FCHO1: variants seen among roughly 807,000 people sequenced by gnomAD.
The protein encoded by FCHO1 is F-BAR domain only protein 1.
FCHO1 carries 45 observed loss-of-function variants against 114.4 expected under a neutral mutation model. The ratio of observed to expected loss-of-function variants is 0.39; its 90% CI spans 0.31 to 0.50. The LOEUF is 0.50. Among genes scored for constraint, FCHO1 ranks in the 20% least tolerant of loss-of-function variants. The pLI is 0.77. For synonymous variants in FCHO1, 480 were observed against 488.9 expected (o/e 0.98, Z 0.24); for missense variants, 1,042 against 1,209.6 (o/e 0.86, Z 2.06).
chr19:17,778,440 C>T, intron 19 of FCHO1, 169 bp from the exon 20 acceptor site: 2 of 839,984 alleles, frequency 2.4e-6, no homozygotes, highest in Non-Finnish European at 3.6e-6. Flanking sequence ...ATGGGCCGGA[C>T]ATTTGTGGAG....
At chr19:17,770,993 C>A (rs2091336392) in intron 9 of FCHO1, 97 bp downstream of exon 9, 1 of 1,050,752 alleles carries the variant, frequency 9.5e-7, no homozygotes, top group Non-Finnish European at 1.4e-6. Context: ...GTGGCTCACA[C>A]CTGTAATCCC....
chr19:17,770,416 A>G lies in FCHO1; in HGVS notation c.337-9A>G, dbSNP rs757550697. The G allele has an allele frequency of 1.2e-6, 2 of 1,601,854 alleles. No homozygotes were observed. The highest frequency in any genetic ancestry group is 2.2e-5 in the South Asian group (2 of 90,320). On this transcript the variant is annotated splice_polypyrimidine_tract_variant and intron_variant, in intron 7 of 28. Transcript: ENST00000596536. ...CAGTCTACCCATGAAATCCCCTCCT[A>G]CCCCGCAGTGCAAGGAGGAAGTGGT...
rs770292906 is a variant in FCHO1 at position 17,770,543 on chromosome 19, G to A, written c.455G>A (p.Arg152Gln). The change falls in exon 8 of 29, where the codon CGG (arginine) becomes CAG (glutamine). Residue 152 changes from arginine to glutamine, a missense_variant. Around this residue, in one of 3 missense-constraint regions of FCHO1, gnomAD observed 450 missense variants for 564.1 expected, o/e 0.80. Coordinates refer to ENST00000596536, the MANE Select transcript of FCHO1 (RefSeq NM_015122.3). ...LNRCMDQERLRRESTSQKEMD... is the reference protein window; with the variant it reads ...LNRCMDQERLQRESTSQKEMD... ...CGTTGCATGGACCAGGAGCGGCTGC[G>A]GAGGGAGAGTACCAGCCAGAAGGAG... 4.3e-6 allele frequency: 7 copies of A among 1,613,436 alleles called. No homozygotes were observed. Among genetic ancestry groups the A allele is most frequent in the African/African-American group, 1.3e-5 (1 of 74,932 alleles).
At position 17,766,673 on chromosome 19, in the gene FCHO1, T is replaced by G; in HGVS notation, c.199T>G (p.Phe67Val). Residue 67 changes from phenylalanine to valine, a missense_variant, in exon 7 of 29, where the codon TTC becomes GTC. Phe to Val is a conservative substitution (Grantham distance 50, BLOSUM62 -1). Transcript: ENST00000596536. ...LASNGTPMGT[F>V]APLWEVFRVS... is the part of the protein sequence containing the mutation. The stretch of plus-strand genomic sequence containing the variant: ...TGTGACCTTGCCCGCCCCCAGGACC[T>G]TCGCCCCGCTCTGGGAGGTCTTCCG... 2.5e-6 allele frequency: 4 copies of G among 1,614,120 alleles called. No homozygotes were observed. The highest frequency in any genetic ancestry group is 3.4e-6 in the Non-Finnish European group (4 of 1,180,030).
chr19:17,783,204 G>A (rs368798276), intron 24 of FCHO1, 32 bp downstream of exon 24: 18 of 1,602,580 alleles, frequency 1.1e-5, no homozygotes, highest in East Asian at 4.5e-5. Flanking sequence ...AGAGGGCCTC[G>A]GAGGCTGCTG....
rs200839173 is a variant in FCHO1 at position 17,762,847 on chromosome 19, G to C, written c.113G>C (p.Arg38Pro). Reference sequence around the variant, plus strand: ...ACCAAGGAGCTGGCGGACTTCATCCGGGAGAGGTGAGGTCCCCAAGCCCCA... The same window carrying C: ...ACCAAGGAGCTGGCGGACTTCATCCCGGAGAGGTGAGGTCCCCAAGCCCCA... Reference protein sequence around the residue: ...ISTKELADFIRERATIEETYS... With the variant: ...ISTKELADFIPERATIEETYS... The change falls in exon 5 of 29, where the codon CGG becomes CCG. Residue 38 changes from arginine to proline, a missense_variant. Arg to Pro is a moderately radical substitution (Grantham distance 103). Around this residue, in one of 3 missense-constraint regions of FCHO1, gnomAD observed 450 missense variants for 564.1 expected, o/e 0.80. Coordinates refer to ENST00000596536, the MANE Select transcript of FCHO1 (RefSeq NM_015122.3). 11 of 1,610,730 alleles carry C rather than the reference G, an allele frequency of 6.8e-6. No individual in the cohort carries two copies. In the Admixed American group the frequency reaches 1.7e-4, roughly 24 times the overall value.
rs766830038 is a variant in FCHO1, at chr19:17,776,270, A to G, written c.1206A>G (p.Ser402=). 6.2e-7 allele frequency: 1 copy of G among 1,614,132 alleles called. No individual in the cohort carries two copies. Among genetic ancestry groups the G allele is most frequent in the African/African-American group, 1.3e-5 (1 of 75,022 alleles). Residue 402 remains serine (S), a splice_region_variant and synonymous_variant, in exon 17 of 29, where the codon TCA becomes TCG. Transcript: ENST00000596536. The surrounding 1 kb of genome is among the most constrained non-coding windows in gnomAD (Gnocchi z 4.4). Reference sequence around the variant, plus strand: ...AGGGCACCATGAAACGCCATTCTTCACGTGAGTAGCCTTTGGTCTTCAGAG... The same window carrying G: ...AGGGCACCATGAAACGCCATTCTTCGCGTGAGTAGCCTTTGGTCTTCAGAG... ...GPGGTMKRHS[S]RDAAGKPQRP...
intron 23 of FCHO1, among the ~76,000 whole-genome samples, 161 bp downstream of exon 23, chr19:17,781,981 GA>G (rs1207404709): frequency 6.7e-6 from 1 of 149,260 alleles, no homozygotes. Flanking sequence ...GGAGCCATAG[GA>G]GGGCCTTTTT....
Position 17,788,406 on chromosome 19 carries a change from C to T in FCHO1, c.*100C>T. ...CCCTGGGGCCTCCCACCCCAGCCTCCCTGAGGCCCATACTCCACGGAGAGG... is the reference window on the plus strand; with the variant it reads ...CCCTGGGGCCTCCCACCCCAGCCTCTCTGAGGCCCATACTCCACGGAGAGG... On this transcript the variant is annotated 3_prime_UTR_variant, in exon 29 of 29. Coordinates refer to ENST00000596536, the MANE Select transcript of FCHO1 (RefSeq NM_015122.3). 1 of 881,992 alleles carries T rather than the reference C, an allele frequency of 1.1e-6. No individual in the cohort carries two copies. The highest frequency in any genetic ancestry group is 1.8e-6 in the Non-Finnish European group (1 of 542,224). 54.6% of individuals were successfully genotyped at this position (881,992 alleles called of 1,614,324 possible). A position where few individuals can be genotyped will look rare whatever the true frequency, so the allele number is the denominator to read the frequency against.
rs1032676623 is a variant in FCHO1, at chr19:17,778,707, G to A, written c.1450G>A (p.Ala484Thr). The change falls in exon 20 of 29, where the codon GCA (alanine) becomes ACA (threonine). Residue 484 changes from alanine to threonine, a missense_variant. Ala to Thr is a moderately conservative substitution (Grantham distance 58, BLOSUM62 0). Transcript: ENST00000596536. Reference sequence around the variant, plus strand: ...CGGCCTGGACTCTCCGTCCCACGCGGCACCTGGCCCCTCCCCAGATTCCTG... The same window carrying A: ...CGGCCTGGACTCTCCGTCCCACGCGACACCTGGCCCCTCCCCAGATTCCTG... ...DSGLDSPSHA[A>T]PGPSPDSWVP... 1.3e-6 allele frequency: 2 copies of A among 1,548,828 alleles called. No homozygotes were observed.
At chr19:17,781,155 C>T in intron 20 of FCHO1, 76 bp from the exon 21 acceptor site, 1 of 1,040,162 alleles carries the variant, frequency 9.6e-7, no homozygotes, top group Non-Finnish European at 1.4e-6. Flanking sequence ...AAGATTTTGG[C>T]TGAGTTTGTG....
intron 23 of FCHO1, 79 bp downstream of exon 23, chr19:17,781,899 T>C: frequency 1.0e-6 from 1 of 958,882 alleles, no homozygotes. Context: ...CAGATGTGCT[T>C]CATGGTCTGT....
At chr19:17,750,266 G>A (rs757685734), upstream of FCHO1, among the ~76,000 whole-genome samples, 2 of 152,070 alleles carry the variant, frequency 1.3e-5, no homozygotes, top group Non-Finnish European at 2.9e-5. Flanking sequence ...GGTTCTAGCA[G>A]GGCTGACTTC....
chr19:17,780,107 C>T (rs958137874), intron 20 of FCHO1, among the ~76,000 whole-genome samples: 1 of 150,734 alleles, frequency 6.6e-6, no homozygotes, highest in African/African-American at 2.4e-5. Context: ...GGCTGGAGCC[C>T]GTTCAAGGGA....
Position 17,770,512 on chromosome 19 carries a change from C to T in FCHO1, c.424C>T (p.Leu142=). The T allele has an allele frequency of 6.2e-7, 1 of 1,613,958 alleles. No homozygotes were observed. The highest frequency in any genetic ancestry group is 8.5e-7 in the Non-Finnish European group (1 of 1,179,884). ...QLLPKSRENY[L]NRCMDQERLR... ...CCTGCCCAAGTCCCGCGAGAACTACCTGAACCGTTGCATGGACCAGGAGCG... is the reference window on the plus strand; with the variant it reads ...CCTGCCCAAGTCCCGCGAGAACTACTTGAACCGTTGCATGGACCAGGAGCG... The change falls in exon 8 of 29, where the codon CTG becomes TTG. Residue 142 remains leucine, a synonymous_variant. Coordinates refer to ENST00000596536, the MANE Select transcript of FCHO1 (RefSeq NM_015122.3).
intron 8 of FCHO1, 72 bp downstream of exon 8, chr19:17,770,649 A>T: frequency 6.3e-7 from 1 of 1,582,648 alleles, no homozygotes. Flanking sequence ...GAGAGTGGAA[A>T]CACATCCCAG....
chr19:17,781,925 C>T, intron 23 of FCHO1, 105 bp downstream of exon 23: 2 of 725,138 alleles, frequency 2.8e-6, no homozygotes, highest in Non-Finnish European at 4.4e-6. Flanking sequence ...AGTGAAAGGG[C>T]CTTGAACACT....
chr19:17,754,899 G>A (rs2082934796), intron 3 of FCHO1: 3 of 500,916 alleles, frequency 6.0e-6, no homozygotes, highest in South Asian at 2.0e-5. Context: ...TGACTCTGTG[G>A]AATTGGGGGC....
At chr19:17,786,682 G>A in intron 27 of FCHO1, 53 bp downstream of exon 27, 2 of 1,563,626 alleles carry the variant, frequency 1.3e-6, no homozygotes, top group Non-Finnish European at 1.7e-6. Flanking sequence ...GGTCAGGTGG[G>A]AGGCACTTAT....
Sources: allele counts gnomAD v4.1 joint callset (sites outside exome capture counted in the v4.1 genomes callset), GRCh38; gene constraint gnomAD v4.1.1; regional missense constraint gnomAD v4.1.1; non-coding constraint Gnocchi (gnomAD v3.1); transcripts MANE v1.5; gene names NCBI Gene and HGNC (gene_info 2026-07-23, HGNC 2026-07-21).